The following PPP4R3A variants were observed in gnomAD, a reference collection of about 807,000 sequenced individuals.
The protein encoded by PPP4R3A is protein phosphatase 4 regulatory subunit 3A.
PPP4R3A carries 15 observed loss-of-function variants against 91.7 expected under a neutral mutation model. The ratio of observed to expected loss-of-function variants is 0.16; its 90% CI spans 0.11 to 0.25. PPP4R3A has a LOEUF of 0.25. Among genes scored for constraint, PPP4R3A ranks in the 10% least tolerant of loss-of-function variants. The pLI, the probability that PPP4R3A is intolerant of heterozygous loss-of-function variation, is 1.00. For synonymous variants in PPP4R3A, 377 were observed against 348.7 expected (o/e 1.08, Z -0.91); for missense variants, 623 against 998.4 (o/e 0.62, Z 5.07).
intron 9 of PPP4R3A, among the ~76,000 whole-genome samples, 177 bp from the exon 10 acceptor site, chr14:91,471,172 ACTTT>A (rs1888807352): frequency 6.6e-6 from 1 of 152,172 alleles, no homozygotes; most frequent in African/African-American, 2.4e-5. Context: ...ATGGTGCTTT[ACTTT>A]TTTTTATTTA....
chr14:91,466,940 A>AAC lies in PPP4R3A; in HGVS notation c.1661-1523_1661-1522dup, dbSNP rs10525073. Among the ~76,000 whole-genome samples, 292 of 147,570 alleles carry AAC rather than the reference A, an allele frequency of 2.0e-3. 1 individual carries two copies. Among genetic ancestry groups the AAC allele is most frequent in the African/African-American group, 5.0e-3 (200 of 39,794 alleles). On this transcript the variant is annotated intron_variant, in intron 10 of 14. Transcript: ENST00000554943. ...TTTGTGGAGACTTGTGTCCTACCAT[A>AAC]ACACACACACACACACACACACACC...
chr14:91,507,541 T>TAGAATATATGCTATA (rs1305430338), intron 1 of PPP4R3A, among the ~76,000 whole-genome samples: 53 of 111,632 alleles, frequency 4.7e-4, no homozygotes, highest in African/African-American at 1.8e-3. Context: ...ATATACTATA[T>TAGAATATATGCTATA]ATTATATATA....
intron 1 of PPP4R3A, among the ~76,000 whole-genome samples, chr14:91,505,360 G>C (rs551490891): frequency 6.6e-6 from 1 of 151,174 alleles, no homozygotes; most frequent in African/African-American, 2.4e-5. Flanking sequence ...TGAAGCATGA[G>C]AATCCCTTGA....
At position 91,481,480 on chromosome 14, in the gene PPP4R3A, C is replaced by A. The variant is rs189752767; in HGVS notation, c.915+96G>T. 3.1e-6 allele frequency: 4 copies of A among 1,271,116 alleles called. No individual in the cohort carries two copies. The South Asian group carries it at 6.8e-5, about 22-fold the overall frequency. The allele number at this position is 1,271,116 out of a possible 1,614,324, so 78.7% of individuals were successfully genotyped here. ...ATAACTCACAATACTTAACTTTATA[C>A]ATTAACAAAATTAAAACTCAATGTA... On this transcript the variant is annotated intron_variant, in intron 4 of 14. Transcript: ENST00000554943.
At position 91,462,088 on chromosome 14, in the gene PPP4R3A, T is replaced by C; in HGVS notation, c.2125A>G (p.Ile709Val). ...PSDKTKNDDD[I>V]MDPISKFMER... ...ATGAATTTACTTATTGGATCCATAATATCATCATCATTTTTAGTTTTGTCA... is the reference window on the plus strand; with the variant it reads ...ATGAATTTACTTATTGGATCCATAACATCATCATCATTTTTAGTTTTGTCA... The change falls in exon 13 of 15, where the codon ATT becomes GTT. Residue 709 changes from isoleucine to valine, a missense_variant. Transcript: ENST00000554943. The C allele has an allele frequency of 1.9e-6, 3 of 1,550,514 alleles. No individual in the cohort carries two copies. The highest frequency in any genetic ancestry group is 2.6e-6 in the Non-Finnish European group (3 of 1,155,058).
chr14:91,494,538 A>G lies in PPP4R3A; in HGVS notation c.143-3736T>C, dbSNP rs140522487. Among the ~76,000 whole-genome samples the G allele has an allele frequency of 2.7e-3, 408 of 152,360 alleles. 1 individual carries two copies. The highest frequency in any genetic ancestry group is 4.2e-3 in the Non-Finnish European group (287 of 68,036). ...CTAGTAAGCATATGAGAAGATGCTC[A>G]GCATTAGTCATTAAGGAAATGCAAA... On this transcript the variant is annotated intron_variant, in intron 1 of 14. Transcript: ENST00000554943.
intron 1 of PPP4R3A, among the ~76,000 whole-genome samples, chr14:91,495,738 G>A (rs1890522713): frequency 6.6e-6 from 1 of 151,926 alleles, no homozygotes; most frequent in African/African-American, 2.4e-5. Flanking sequence ...GCAATATAGT[G>A]AGACCTTGTC....
chr14:91,477,009 A>T, intron 4 of PPP4R3A, 23 bp from the exon 5 acceptor site: 1 of 1,533,560 alleles, frequency 6.5e-7, no homozygotes, highest in Non-Finnish European at 8.9e-7. Context: ...GGACAAATGC[A>T]ATTATGTTAA....
intron 1 of PPP4R3A, among the ~76,000 whole-genome samples, chr14:91,498,163 C>T (rs1214465093): frequency 6.6e-5 from 10 of 152,130 alleles, no homozygotes; most frequent in African/African-American, 2.4e-4. Flanking sequence ...GGTGAAACCC[C>T]GTCTCTACTA....
At chr14:91,476,548 T>G (rs769362756) in intron 5 of PPP4R3A, 24 bp from the exon 6 acceptor site, 3 of 1,454,140 alleles carry the variant, frequency 2.1e-6, no homozygotes, top group Non-Finnish European at 2.8e-6. Flanking sequence ...AAAGGATAAG[T>G]GATATAAAAA....
In PPP4R3A at chr14:91,509,540, C is replaced by T; in HGVS notation, c.108G>A (p.Lys36=). ...HVSSGYVERL[K]GMSLLVRAES... is the part of the protein sequence containing the mutation. ...CAGCCCTGACAAGCAGGGACATGCC[C>T]TTCAGCCGCTCCACGTAGCCAGACG... is the stretch of plus-strand genomic sequence containing the variant. The change falls in exon 1 of 15, where the codon AAG becomes AAA. Residue 36 remains lysine, a synonymous_variant. Coordinates refer to ENST00000554943, the MANE Select transcript of PPP4R3A (RefSeq NM_001366432.2). The T allele has an allele frequency of 1.1e-5, 17 of 1,598,898 alleles. No homozygotes were observed. Among genetic ancestry groups the T allele is most frequent in the Non-Finnish European group, 1.4e-5 (17 of 1,177,512 alleles).
intron 9 of PPP4R3A, among the ~76,000 whole-genome samples, chr14:91,471,606 T>C (rs554105795): frequency 2.6e-5 from 4 of 152,216 alleles, no homozygotes; most frequent in South Asian, 2.1e-4. Flanking sequence ...TTAATAAAGG[T>C]TGGAGGAATA....
intron 1 of PPP4R3A, among the ~76,000 whole-genome samples, chr14:91,494,932 A>G (rs934286183): frequency 1.3e-5 from 2 of 152,184 alleles, no homozygotes; most frequent in African/African-American, 4.8e-5. Context: ...ACAATCAAAG[A>G]CAAGACAATA....
rs950112350 is a variant in PPP4R3A at position 91,493,994 on chromosome 14, C to T, written c.143-3192G>A. ...GGTCAGGCTGGTCTTGAATTCCCAACCTCAGATAATCTGCCCGCCTCGGCA... is the reference window on the plus strand; with the variant it reads ...GGTCAGGCTGGTCTTGAATTCCCAATCTCAGATAATCTGCCCGCCTCGGCA... On this transcript the variant is annotated intron_variant, in intron 1 of 14. Transcript: ENST00000554943. Among the ~76,000 whole-genome samples the T allele has an allele frequency of 4.7e-5, 7 of 147,670 alleles. No homozygotes were observed. In the South Asian group the frequency reaches 1.5e-3, roughly 31 times the overall value.
At chr14:91,492,596 A>C (rs1848974516) in intron 1 of PPP4R3A, among the ~76,000 whole-genome samples, 1 of 152,232 alleles carries the variant, frequency 6.6e-6, no homozygotes, top group Non-Finnish European at 1.5e-5. Context: ...TATGTCTAGG[A>C]CAGGTGACCT....
chr14:91,489,573 T>C (rs747644381), intron 2 of PPP4R3A, among the ~76,000 whole-genome samples: 1 of 152,198 alleles, frequency 6.6e-6, no homozygotes, highest in Non-Finnish European at 1.5e-5. Flanking sequence ...CAAAAACCTA[T>C]AGGCTGAGAC....
At chr14:91,464,351 A>G (rs1888352468) in intron 11 of PPP4R3A, among the ~76,000 whole-genome samples, 1 of 137,140 alleles carries the variant, frequency 7.3e-6, no homozygotes, top group East Asian at 2.5e-4. Flanking sequence ...CAAAAAAAGC[A>G]TGTTACAGAA....
At chr14:91,483,804 A>C (rs1489870879) in intron 3 of PPP4R3A, among the ~76,000 whole-genome samples, 1 of 152,230 alleles carries the variant, frequency 6.6e-6, no homozygotes, top group Non-Finnish European at 1.5e-5. Context: ...AAAGAATATT[A>C]AAGCAGCTAG....
chr14:91,471,118 GAGGAGGAAATTAGCATTTAC>G, intron 9 of PPP4R3A, 123 bp from the exon 10 acceptor site: 1 of 894,302 alleles, frequency 1.1e-6, no homozygotes, highest in South Asian at 2.1e-5. Context: ...TAACTTTAGG[GAGGAGGAAATTAGCATTTAC>G]TGAACGCCTA....
Sources: gnomAD v4.1 joint callset for allele counts (sites outside exome capture counted in the v4.1 genomes callset) on GRCh38, gnomAD v4.1.1 for gene constraint, MANE v1.5 for transcripts, NCBI Gene and HGNC (gene_info 2026-07-23, HGNC 2026-07-21) for gene names.